The following MYO3A variants were observed in gnomAD, a reference collection of about 807,000 sequenced individuals.
MYO3A encodes myosin-IIIa.
A neutral mutation model predicts 192.7 loss-of-function variants in MYO3A; 180 were observed. That is an observed-to-expected ratio of 0.93 (90% CI 0.83 to 1.06). MYO3A has a LOEUF of 1.06. MYO3A is among the 50% of genes least tolerant of loss of function. The pLI, the probability that MYO3A is intolerant of heterozygous loss-of-function variation, is 0.00. For synonymous variants in MYO3A, 628 were observed against 645.3 expected (o/e 0.97, Z 0.41); for missense variants, 1,896 against 1,905.0 (o/e 1.00, Z 0.09).
At position 25,952,148 on chromosome 10, in the gene MYO3A, A is replaced by G; in HGVS notation, c.38A>G (p.Asn13Ser). The change falls in exon 3 of 35, where the codon AAC (asparagine) becomes AGC (serine). Residue 13 changes from asparagine (N) to serine (S), a missense_variant. Transcript: ENST00000642920. ...PLIGKTIIFD[N>S]FPDPSDTWEI... is the part of the protein sequence containing the mutation. ...ATTGGAAAAACAATCATCTTTGATA[A>G]CTTTCCTGATCCTTCTGATACATGG... 6.2e-7 allele frequency: 1 copy of G among 1,612,452 alleles called. No homozygotes were observed. Among genetic ancestry groups the G allele is most frequent in the South Asian group, 1.1e-5 (1 of 91,052 alleles).
chr10:26,155,347 G>T (rs756113497), intron 25 of MYO3A, among the ~76,000 whole-genome samples: 1 of 152,254 alleles, frequency 6.6e-6, no homozygotes, highest in Non-Finnish European at 1.5e-5. Context: ...GGATCAAGGC[G>T]ACCTTCCTTC....
At chr10:26,031,345 A>T (rs911923864) in intron 10 of MYO3A, among the ~76,000 whole-genome samples, 2 of 152,184 alleles carry the variant, frequency 1.3e-5, no homozygotes, top group African/African-American at 4.8e-5. Context: ...CCTTTCTCTA[A>T]CATTGCCTGC....
intron 10 of MYO3A, among the ~76,000 whole-genome samples, chr10:26,055,930 T>G (rs1235823102): frequency 6.6e-6 from 1 of 152,186 alleles, no homozygotes; most frequent in African/African-American, 2.4e-5. Context: ...TACCCAGTCT[T>G]GGCTATCAAA....
chr10:25,988,175 C>T (rs1839771127), intron 4 of MYO3A, among the ~76,000 whole-genome samples: 1 of 151,906 alleles, frequency 6.6e-6, no homozygotes, highest in African/African-American at 2.4e-5. Context: ...GACACAAAGG[C>T]GTAAGAATGA....
At chr10:26,081,138 C>CCG (rs1021745158) in intron 14 of MYO3A, among the ~76,000 whole-genome samples, 4 of 105,464 alleles carry the variant, frequency 3.8e-5, no homozygotes, top group African/African-American at 9.1e-5. Flanking sequence ...GCCCTTCCCC[C>CCG]CCCCCCCGCC....
chr10:25,934,999 G>A (rs576656059), intron 1 of MYO3A, among the ~76,000 whole-genome samples: 1 of 152,196 alleles, frequency 6.6e-6, no homozygotes, highest in African/African-American at 2.4e-5. Context: ...CGAGTCTGGC[G>A]GGTGTCGCCT....
At chr10:26,100,368 T>C (rs1011145817) in intron 17 of MYO3A, among the ~76,000 whole-genome samples, 4 of 152,216 alleles carry the variant, frequency 2.6e-5, no homozygotes, top group African/African-American at 7.2e-5. Context: ...CCTGGATTCA[T>C]TGATTTTTTG....
intron 20 of MYO3A, among the ~76,000 whole-genome samples, chr10:26,142,280 A>C (rs1009928959): frequency 6.6e-6 from 1 of 152,248 alleles, no homozygotes; most frequent in African/African-American, 2.4e-5. Context: ...TCACCTGAGA[A>C]GCAGTGACTC....
chr10:25,968,899 G>A (rs986833624), intron 4 of MYO3A, among the ~76,000 whole-genome samples: 2 of 152,178 alleles, frequency 1.3e-5, no homozygotes, highest in African/African-American at 4.8e-5. Flanking sequence ...TTATCAGATT[G>A]TCATAGTATT....
chr10:26,129,803 T>C (rs1839428299), intron 20 of MYO3A, among the ~76,000 whole-genome samples: 1 of 152,228 alleles, frequency 6.6e-6, no homozygotes, highest in South Asian at 2.1e-4. Context: ...ACGTAGCAAG[T>C]GTTCAATAAG....
At position 26,109,470 on chromosome 10, in the gene MYO3A, C is replaced by G. The variant is rs773406139; in HGVS notation, c.1777-11206C>G. ...TGAATCTTCTCTTTGTCTGGCATGCCCATGCTGTATAGGCTACCTGCCCCT... is the reference window on the plus strand; with the variant it reads ...TGAATCTTCTCTTTGTCTGGCATGCGCATGCTGTATAGGCTACCTGCCCCT... On this transcript the variant is annotated intron_variant, in intron 17 of 34. Coordinates refer to ENST00000642920, the MANE Select transcript of MYO3A (RefSeq NM_017433.5). Among the ~76,000 whole-genome samples the G allele has an allele frequency of 2.6e-5, 4 of 152,270 alleles. 1 individual carries two copies. In the East Asian group the frequency reaches 5.8e-4, roughly 22 times the overall value.
chr10:25,971,437 A>G (rs1838637518), intron 4 of MYO3A, among the ~76,000 whole-genome samples: 1 of 152,168 alleles, frequency 6.6e-6, no homozygotes, highest in African/African-American at 2.4e-5. Flanking sequence ...TATCATTACT[A>G]GTGCTCTTTG....
At chr10:25,936,626 C>T (rs946728695) in intron 2 of MYO3A, among the ~76,000 whole-genome samples, 3 of 152,078 alleles carry the variant, frequency 2.0e-5, no homozygotes, top group Non-Finnish European at 4.4e-5. Flanking sequence ...ACAGACGATC[C>T]CTTACTACTT....
At chr10:26,061,530 A>C (rs1222991268) in intron 10 of MYO3A, among the ~76,000 whole-genome samples, 1 of 152,154 alleles carries the variant, frequency 6.6e-6, no homozygotes, top group African/African-American at 2.4e-5. Flanking sequence ...TTGGTATATT[A>C]AGAGCCCTTC....
At chr10:26,201,752 T>G (rs964708532) in intron 33 of MYO3A, among the ~76,000 whole-genome samples, 14 of 151,958 alleles carry the variant, frequency 9.2e-5, no homozygotes, top group African/African-American at 3.4e-4. Context: ...GTGCACCCAA[T>G]ACATTTACGT....
chr10:26,092,338 C>T (rs1003256572), intron 15 of MYO3A, among the ~76,000 whole-genome samples: 5 of 151,908 alleles, frequency 3.3e-5, no homozygotes, highest in African/African-American at 9.7e-5. Flanking sequence ...TGGTGGCAGG[C>T]GCCTGTAGTC....
At chr10:26,156,903 C>T (rs1455196688) in intron 25 of MYO3A, among the ~76,000 whole-genome samples, 1 of 151,968 alleles carries the variant, frequency 6.6e-6, no homozygotes, top group Admixed American at 6.6e-5. Context: ...TTTTTACCAT[C>T]TATAAAGAGA....
At chr10:26,185,944 G>GT (rs1842847905) in intron 31 of MYO3A, among the ~76,000 whole-genome samples, 1 of 152,114 alleles carries the variant, frequency 6.6e-6, no homozygotes, top group Non-Finnish European at 1.5e-5. Context: ...TAGTATAGCT[G>GT]TAATTTATTC....
chr10:25,937,565 T>A (rs187863962), intron 2 of MYO3A, among the ~76,000 whole-genome samples: 1 of 152,270 alleles, frequency 6.6e-6, no homozygotes, highest in Non-Finnish European at 1.5e-5. Flanking sequence ...GACTTTTAGG[T>A]TTATACTAAA....
Sources: gnomAD v4.1 joint callset for allele counts (sites outside exome capture counted in the v4.1 genomes callset) on GRCh38, gnomAD v4.1.1 for gene constraint, MANE v1.5 for transcripts, NCBI Gene and HGNC (gene_info 2026-07-23, HGNC 2026-07-21) for gene names.